COL14A1: variants seen among roughly 807,000 people sequenced by gnomAD.
COL14A1 encodes the protein collagen type XIV alpha 1 chain, also known as collagen alpha-1(XIV) chain.
COL14A1 carries 136 observed loss-of-function variants against 230.3 expected under a neutral mutation model. The ratio of observed to expected loss-of-function variants is 0.59; its 90% confidence interval spans 0.51 to 0.68. The LOEUF is 0.68. COL14A1 is among the 30% of genes least tolerant of loss of function. The pLI, the probability that COL14A1 is intolerant of heterozygous loss-of-function variation, is 0.00. For missense variants in COL14A1, 1,976 were observed against 2,215.8 expected (o/e 0.89, Z 2.17); for synonymous variants, 792 against 784.1 (o/e 1.01, Z -0.17).
intron 5 of COL14A1, among the ~76,000 whole-genome samples, chr8:120,173,072 T>G (rs1394054163): frequency 6.6e-6 from 1 of 152,198 alleles, no homozygotes; most frequent in Non-Finnish European, 1.5e-5. Flanking sequence ...TTATGATGTT[T>G]CTCAAATGGT....
Position 120,131,838 on chromosome 8 carries a change from C to CTT in COL14A1, c.-38+6523_-38+6524dup, listed in dbSNP as rs1172286717. Among the ~76,000 whole-genome samples the CTT allele has an allele frequency of 4.5e-3, 309 of 68,994 alleles. 26 individuals carry two copies. The highest frequency in any genetic ancestry group is 0.016 in the African/African-American group (272 of 17,492). The allele number at this position is 68,994 out of a possible 152,430, so 45.3% of individuals were successfully genotyped here. A position where few individuals can be genotyped will look rare whatever the true frequency, so the allele number is the denominator to read the frequency against. ...GGTTTTCTTCCTTTTTTCTTCCTTT[C>CTT]TTTTTTTTTTTTTTTTTTTTTTTTT... is the stretch of plus-strand genomic sequence containing the variant. On this transcript the variant is annotated intron_variant, in intron 1 of 47. Coordinates refer to ENST00000297848, the MANE Select transcript of COL14A1 (RefSeq NM_021110.4).
At chr8:120,291,141 A>C (rs983352131) in intron 34 of COL14A1, among the ~76,000 whole-genome samples, 1 of 152,128 alleles carries the variant, frequency 6.6e-6, no homozygotes, top group Admixed American at 6.6e-5. Flanking sequence ...TTAATGGAGG[A>C]TACTCCTATG....
chr8:120,133,450 G>A (rs1044354728), intron 1 of COL14A1, among the ~76,000 whole-genome samples: 7 of 152,064 alleles, frequency 4.6e-5, no homozygotes, highest in Non-Finnish European at 1.0e-4. Flanking sequence ...CAATGATCAA[G>A]TTGGGCTCAA....
At chr8:120,316,314 G>A (rs1429135117) in intron 40 of COL14A1, among the ~76,000 whole-genome samples, 3 of 151,962 alleles carry the variant, frequency 2.0e-5, no homozygotes, top group African/African-American at 4.8e-5. Flanking sequence ...AAATCCTTGA[G>A]GCATAAATGT....
At chr8:120,134,773 G>A (rs1027924598) in intron 1 of COL14A1, among the ~76,000 whole-genome samples, 12 of 152,092 alleles carry the variant, frequency 7.9e-5, no homozygotes, top group Admixed American at 2.6e-4. Flanking sequence ...TCAGGAGTTC[G>A]AGACCAGCCT....
intron 36 of COL14A1, among the ~76,000 whole-genome samples, chr8:120,308,900 G>A (rs534004602): frequency 7.9e-5 from 12 of 152,198 alleles, no homozygotes; most frequent in Middle Eastern, 3.4e-3. Flanking sequence ...ATCGAAGAGC[G>A]AACTCTTGGC....
intron 23 of COL14A1, among the ~76,000 whole-genome samples, chr8:120,262,502 C>A (rs1035292010): frequency 8.6e-5 from 13 of 151,904 alleles, no homozygotes; most frequent in Middle Eastern, 3.4e-3. Context: ...AACAAAAAAA[C>A]CCCACAAAGA....
chr8:120,154,322 A>G (rs952811671), intron 2 of COL14A1, among the ~76,000 whole-genome samples: 4 of 152,224 alleles, frequency 2.6e-5, no homozygotes, highest in Admixed American at 6.5e-5. Context: ...TGAGGCTTCA[A>G]TGACATGACA....
intron 18 of COL14A1, among the ~76,000 whole-genome samples, chr8:120,229,019 T>A (rs980445567): frequency 6.6e-6 from 1 of 151,966 alleles, no homozygotes; most frequent in South Asian, 2.1e-4. Context: ...GTCTGGATGC[T>A]CATGCACCTT....
chr8:120,344,260 A>G (rs1822419125), intron 44 of COL14A1, among the ~76,000 whole-genome samples: 1 of 152,230 alleles, frequency 6.6e-6, no homozygotes, highest in African/African-American at 2.4e-5. Context: ...ACACTACTTC[A>G]GTTTTCTCTG....
At chr8:120,131,810 C>T in intron 1 of COL14A1, among the ~76,000 whole-genome samples, 1 of 138,602 alleles carries the variant, frequency 7.2e-6, no homozygotes, top group Non-Finnish European at 1.6e-5. Flanking sequence ...ATGGTATTTG[C>T]TAGGTTTTCT....
rs950044230 is a variant in COL14A1, at chr8:120,228,731, C to A, written c.2159C>A (p.Pro720Gln). The part of the protein sequence containing the change: ...GTTLDSFWTE[P>Q]ATTIVPTTSV... Reference sequence around the variant, plus strand: ...TTAGTTGACAGTTTTTGGACAGAACCAGCTACAACCATAGTGCCTACCACA... The same window carrying A: ...TTAGTTGACAGTTTTTGGACAGAACAAGCTACAACCATAGTGCCTACCACA... Residue 720 changes from proline (P) to glutamine (Q), a missense_variant, in exon 18 of 48, where the codon CCA (proline) becomes CAA (glutamine). Transcript: ENST00000297848. The A allele has an allele frequency of 6.8e-6, 11 of 1,613,818 alleles. No individual in the cohort carries two copies. The highest frequency in any genetic ancestry group is 9.3e-6 in the Non-Finnish European group (11 of 1,179,796).
At chr8:120,306,763 G>A (rs1820869674) in intron 36 of COL14A1, among the ~76,000 whole-genome samples, 1 of 152,136 alleles carries the variant, frequency 6.6e-6, no homozygotes, top group Admixed American at 6.5e-5. Context: ...TTTTAGACAT[G>A]GTGCCTCTGA....
In COL14A1 at chr8:120,243,900, A is replaced by T; in HGVS notation, c.2371A>T (p.Asn791Tyr). The change falls in exon 20 of 48, where the codon AAC becomes TAC. Residue 791 changes from asparagine to tyrosine, a missense_variant. By Grantham distance (143) the Asn-to-Tyr change is moderately radical (BLOSUM62 -2). Transcript: ENST00000297848. ...TCAGGTTATGGTGCCTGGAAGCCAG[A>T]ACAACCTCCTTCTGAAGCCTCTGCT... ...IGTVMVPGSQ[N>Y]NLLLKPLLPD... 6.2e-7 allele frequency: 1 copy of T among 1,613,620 alleles called. No individual in the cohort carries two copies. Among genetic ancestry groups the T allele is most frequent in the Non-Finnish European group, 8.5e-7 (1 of 1,179,648 alleles).
intron 1 of COL14A1, among the ~76,000 whole-genome samples, chr8:120,138,948 G>A: frequency 6.6e-6 from 1 of 152,094 alleles, no homozygotes; most frequent in Non-Finnish European, 1.5e-5. Context: ...AGTTGAGGAA[G>A]GCATCCTAGA....
chr8:120,293,363 T>C (rs1820429679), intron 34 of COL14A1, among the ~76,000 whole-genome samples: 1 of 151,978 alleles, frequency 6.6e-6, no homozygotes, highest in African/African-American at 2.4e-5. Context: ...GTTAAATTGC[T>C]AAAAAATATA....
At chr8:120,284,143 A>G (rs913826118) in intron 32 of COL14A1, among the ~76,000 whole-genome samples, 2 of 152,190 alleles carry the variant, frequency 1.3e-5, no homozygotes, top group Admixed American at 1.3e-4. Context: ...TAAAAGTAAG[A>G]TGCATATTTG....
At chr8:120,197,583 C>T (rs752014391) in intron 6 of COL14A1, among the ~76,000 whole-genome samples, 2 of 151,884 alleles carry the variant, frequency 1.3e-5, no homozygotes, top group Non-Finnish European at 2.9e-5. Flanking sequence ...ATTGGGCGCT[C>T]ATTTATAAAT....
chr8:120,294,716 GA>G (rs948462343), intron 34 of COL14A1, among the ~76,000 whole-genome samples: 4 of 149,402 alleles, frequency 2.7e-5, no homozygotes, highest in Admixed American at 6.7e-5. Flanking sequence ...ATGTGCCTTG[GA>G]AAAAAAAAGT....
Sources: allele counts gnomAD v4.1 joint callset (sites outside exome capture counted in the v4.1 genomes callset), GRCh38; gene constraint gnomAD v4.1.1; transcripts MANE v1.5; gene names NCBI Gene and HGNC (gene_info 2026-07-23, HGNC 2026-07-21).